The following MTA3 variants were observed in gnomAD, a reference collection of about 807,000 sequenced individuals.
MTA3 encodes the protein metastasis-associated protein MTA3.
In MTA3, 34 loss-of-function variants were observed where a neutral mutation model predicts 83.5. The ratio of observed to expected loss-of-function variants is 0.41; its 90% CI spans 0.31 to 0.54. MTA3 has a LOEUF of 0.54. Among genes scored for constraint, MTA3 ranks in the 20% least tolerant of loss-of-function variants. The probability of loss-of-function intolerance (pLI) is 0.33; values close to 1 mark genes in which losing one functional copy is unlikely to be tolerated. For missense variants in MTA3, 761 were observed against 726.4 expected, an observed-to-expected ratio of 1.05 and a Z score of -0.55; for synonymous variants, 303 against 252.7, an observed-to-expected ratio of 1.20 and a Z score of -1.89.
chr2:42,753,668 A>G lies in MTA3; in HGVS notation c.*269A>G. 1.5e-6 allele frequency: 2 copies of G among 1,300,232 alleles called. No individual in the cohort carries two copies. The highest frequency in any genetic ancestry group is 3.5e-5 in the East Asian group (1 of 28,688). 80.5% of individuals were successfully genotyped at this position (1,300,232 alleles called of 1,614,324 possible). A position where few individuals can be genotyped will look rare whatever the true frequency, so the allele number is the denominator to read the frequency against. On this transcript the variant is annotated 3_prime_UTR_variant, in exon 17 of 17. Transcript: ENST00000405094. ...AGACCTGCTGAGAATTGAGGGGCTGAGGGAACCCCTCCACCTCCTCCCTTC... is the reference window on the plus strand; with the variant it reads ...AGACCTGCTGAGAATTGAGGGGCTGGGGGAACCCCTCCACCTCCTCCCTTC...
upstream of MTA3, among the ~76,000 whole-genome samples, chr2:42,566,597 G>T (rs1301374269): frequency 6.6e-6 from 1 of 152,160 alleles, no homozygotes; most frequent in African/African-American, 2.4e-5. Context: ...TTCCTAAGGG[G>T]ACATAGGGAG....
chr2:42,682,963 T>C (rs1259005356), intron 9 of MTA3, among the ~76,000 whole-genome samples: 1 of 152,138 alleles, frequency 6.6e-6, no homozygotes, highest in African/African-American at 2.4e-5. Flanking sequence ...CCCGAGCTAC[T>C]GAAGAGGCTG....
At chr2:42,697,021 A>C (rs999500448) in intron 10 of MTA3, among the ~76,000 whole-genome samples, 9 of 152,228 alleles carry the variant, frequency 5.9e-5, no homozygotes, top group African/African-American at 2.2e-4. Context: ...AAAAGTTTCA[A>C]GTTGTCCCCC....
chr2:42,495,810 A>G (rs764855273), intron 2 of MTA3, among the ~76,000 whole-genome samples: 3 of 152,220 alleles, frequency 2.0e-5, no homozygotes, highest in Non-Finnish European at 4.4e-5. Context: ...GGAGAAGGTC[A>G]TTTCGCAACC....
intron 16 of MTA3, among the ~76,000 whole-genome samples, chr2:42,747,006 G>GTT (rs35260742): frequency 4.2e-5 from 6 of 144,542 alleles, no homozygotes; most frequent in Non-Finnish European, 9.2e-5. Context: ...TTCTAATTTT[G>GTT]TTTTTTTTTT....
At chr2:42,548,033 C>T (rs1238810732) in intron 2 of MTA3, among the ~76,000 whole-genome samples, 1 of 152,196 alleles carries the variant, frequency 6.6e-6, no homozygotes, top group East Asian at 1.9e-4. Flanking sequence ...ATAAGCTGCC[C>T]TGTGGTCCTG....
At chr2:42,725,979 A>G (rs1259995254) in intron 16 of MTA3, among the ~76,000 whole-genome samples, 1 of 152,184 alleles carries the variant, frequency 6.6e-6, no homozygotes, top group African/African-American at 2.4e-5. Flanking sequence ...CCTGTTTCCT[A>G]TGTCCACAGG....
At chr2:42,631,647 T>G (rs1457420865) in intron 4 of MTA3, among the ~76,000 whole-genome samples, 1 of 152,216 alleles carries the variant, frequency 6.6e-6, no homozygotes, top group Non-Finnish European at 1.5e-5. Context: ...TACTTTGTGT[T>G]ACAAACAATC....
At chr2:42,682,281 T>TA in intron 8 of MTA3, 120 bp from the exon 9 acceptor site, 1 of 706,824 alleles carries the variant, frequency 1.4e-6, no homozygotes, top group Non-Finnish European at 2.1e-6. Flanking sequence ...AAAATTTTGT[T>TA]AAAAAATAAA....
chr2:42,744,570 G>A (rs992865493), intron 16 of MTA3, among the ~76,000 whole-genome samples: 1 of 152,166 alleles, frequency 6.6e-6, no homozygotes, highest in Admixed American at 6.5e-5. Context: ...CCCATAGAAG[G>A]TGACCTCTGA....
intron 8 of MTA3, among the ~76,000 whole-genome samples, chr2:42,669,816 A>G (rs576871566): frequency 4.5e-4 from 69 of 152,192 alleles, no homozygotes; most frequent in Admixed American, 2.4e-3. Flanking sequence ...TTTTTCTCCT[A>G]CAAATTTCAC....
At position 42,750,648 on chromosome 2, in the gene MTA3, C is replaced by T. The variant is rs899969858; in HGVS notation, c.1760-2726C>T. The stretch of plus-strand genomic sequence containing the variant: ...TTCCCCAGAGGATAAATGTTTGTTA[C>T]CTGCATTCTGAGAGCTTCATGGGAA... On this transcript the variant is annotated intron_variant, in intron 16 of 16. Transcript: ENST00000405094. Among the ~76,000 whole-genome samples the T allele has an allele frequency of 4.6e-5, 7 of 152,256 alleles. No homozygotes were observed. The South Asian group carries it at 6.2e-4, about 14-fold the overall frequency.
chr2:42,555,977 CAGG>C (rs1046143358), intron 2 of MTA3, among the ~76,000 whole-genome samples: 3 of 151,834 alleles, frequency 2.0e-5, no homozygotes, highest in Admixed American at 1.3e-4. Context: ...GAGGCTGAGG[CAGG>C]AGAATTGCTA....
intron 9 of MTA3, among the ~76,000 whole-genome samples, chr2:42,693,016 A>G (rs999259730): frequency 6.6e-6 from 1 of 152,142 alleles, no homozygotes; most frequent in African/African-American, 2.4e-5. Context: ...CTCAGATTAG[A>G]TCTGGAATTC....
intron 14 of MTA3, among the ~76,000 whole-genome samples, chr2:42,716,620 T>C (rs535168124): frequency 6.6e-6 from 1 of 152,336 alleles, no homozygotes; most frequent in Non-Finnish European, 1.5e-5. Flanking sequence ...CTAAGGATAG[T>C]GGCCTCCAGC....
chr2:42,736,863 C>A (rs1668648244), intron 16 of MTA3, among the ~76,000 whole-genome samples: 1 of 152,122 alleles, frequency 6.6e-6, no homozygotes, highest in African/African-American at 2.4e-5. Context: ...AGGACTGGAT[C>A]CTTCCCTTCA....
chr2:42,688,056 A>G (rs1451758559), intron 9 of MTA3, among the ~76,000 whole-genome samples: 1 of 152,218 alleles, frequency 6.6e-6, no homozygotes. Context: ...GCAAATTGAT[A>G]CAGCCACTTG....
At chr2:42,671,363 C>CT (rs1384068752) in intron 8 of MTA3, among the ~76,000 whole-genome samples, 1 of 151,478 alleles carries the variant, frequency 6.6e-6, no homozygotes, top group East Asian at 1.9e-4. Flanking sequence ...ATCACATAAC[C>CT]TTTTTTTCTT....
Position 42,752,690 on chromosome 2 carries a change from T to G in MTA3, c.1760-684T>G, listed in dbSNP as rs184634778. 1.9e-4 allele frequency among the ~76,000 whole-genome samples: 29 copies of G among 152,280 alleles called. No homozygotes were observed. The East Asian group carries it at 5.4e-3, about 28-fold the overall frequency. On this transcript the variant is annotated intron_variant, in intron 16 of 16. Coordinates refer to ENST00000405094, the MANE Select transcript of MTA3 (RefSeq NM_001330442.2). ...ATCATTATGATTAATTATGATGAGC[T>G]CAGATGAGATCGTGCCTCCTCCCAG...
Sources: gnomAD v4.1 joint callset for allele counts (sites outside exome capture counted in the v4.1 genomes callset) on GRCh38, gnomAD v4.1.1 for gene constraint, MANE v1.5 for transcripts, NCBI Gene and HGNC (gene_info 2026-07-23, HGNC 2026-07-21) for gene names.